Variants in TMPRSS15 observed in about 807,000 individuals in gnomAD.
The protein encoded by TMPRSS15 is enteropeptidase.
In TMPRSS15, 128 loss-of-function variants were observed where a neutral mutation model predicts 125.3. The observed-to-expected ratio is 1.02, with a 90% CI of 0.89 to 1.18. The LOEUF (loss-of-function observed/expected upper bound fraction) is 1.18. Ranked by LOEUF, TMPRSS15 falls within the 50% of genes most tolerant of loss-of-function variation. TMPRSS15 has a pLI of 0.00. For missense variants in TMPRSS15, 1,283 were observed against 1,212.7 expected (o/e 1.06, Z -0.86); for synonymous variants, 446 against 423.2 (o/e 1.05, Z -0.66).
Position 18,353,768 on chromosome 21 carries a change from C to CTG in TMPRSS15, c.975_976insCA (p.Gly326GlnfsTer36). The CTG allele has an allele frequency of 5.6e-6, 9 of 1,611,530 alleles. No individual in the cohort carries two copies. Among genetic ancestry groups the CTG allele is most frequent in the Non-Finnish European group, 7.6e-6 (9 of 1,178,350 alleles). ...AATGCAGTATATGTTGCATTAAAGCCAACATAATCACTTTCATCAGATTCT... is the reference window on the plus strand; with the variant it reads ...AATGCAGTATATGTTGCATTAAAGCCTGAACATAATCACTTTCATCAGATTCT... On this transcript the variant is annotated frameshift_variant, in exon 9 of 25. Transcript: ENST00000284885. LOFTEE classifies it high-confidence loss of function.
intron 3 of TMPRSS15, 30 bp from the exon 4 acceptor site, chr21:18,383,808 A>G: frequency 6.2e-7 from 1 of 1,607,166 alleles, no homozygotes; most frequent in South Asian, 1.1e-5. Context: ...ATAAGAGGAA[A>G]AAGTCAGCCA....
chr21:18,310,261 G>A (rs974299022), intron 18 of TMPRSS15, among the ~76,000 whole-genome samples: 3 of 152,038 alleles, frequency 2.0e-5, no homozygotes, highest in African/African-American at 7.2e-5. Flanking sequence ...TGGAAAGAAG[G>A]CAGTCAAATT....
chr21:18,418,494 A>G (rs1280985494), intron 1 of TMPRSS15, among the ~76,000 whole-genome samples: 2 of 152,052 alleles, frequency 1.3e-5, no homozygotes, highest in Non-Finnish European at 1.5e-5. Context: ...ATGGGCTACA[A>G]CCTTAAACTT....
intron 3 of TMPRSS15, among the ~76,000 whole-genome samples, chr21:18,394,623 C>G (rs1262948794): frequency 6.6e-6 from 1 of 151,550 alleles, no homozygotes; most frequent in Non-Finnish European, 1.5e-5. Context: ...TATCCATGAA[C>G]CATATAAACT....
chr21:18,401,989 T>C (rs918363939), intron 1 of TMPRSS15, among the ~76,000 whole-genome samples: 2 of 152,196 alleles, frequency 1.3e-5, no homozygotes, highest in Non-Finnish European at 2.9e-5. Flanking sequence ...AAAACAGCCA[T>C]TTTTCTAAAA....
At position 18,484,420 on chromosome 21, in the gene TMPRSS15, T is replaced by C. The variant is rs965619920; in HGVS notation, c.10+1379A>G. On this transcript the variant is annotated intron_variant, in intron 1 of 7. Coordinates refer to the TMPRSS15 transcript ENST00000422787. ...GGGTATTTGTTTAGTAGCATAATTG[T>C]AGAAGGATTTAATCAGACTATTTCC... is the stretch of plus-strand genomic sequence containing the variant. Among the ~76,000 whole-genome samples, 21 of 151,874 alleles carry C rather than the reference T, an allele frequency of 1.4e-4. 1 individual carries two copies. Among genetic ancestry groups the C allele is most frequent in the South Asian group, 1.0e-3 (5 of 4,826 alleles).
intron 1 of TMPRSS15, among the ~76,000 whole-genome samples, chr21:18,436,390 C>T (rs1164330317): frequency 3.2e-4 from 49 of 151,394 alleles, no homozygotes; most frequent in Non-Finnish European, 1.5e-5. Flanking sequence ...TCGTTATGTA[C>T]CCAGTAGTCA....
At chr21:18,315,026 T>C in intron 17 of TMPRSS15, 120 bp downstream of exon 17, 1 of 803,204 alleles carries the variant, frequency 1.2e-6, no homozygotes, top group Non-Finnish European at 2.1e-6. Flanking sequence ...GATGAGATGT[T>C]CTCGTTCCAA....
At chr21:18,450,509 A>AT (rs1447139920) in intron 1 of TMPRSS15, among the ~76,000 whole-genome samples, 3 of 152,106 alleles carry the variant, frequency 2.0e-5, no homozygotes, top group Non-Finnish European at 4.4e-5. Context: ...TTGCTAAAAG[A>AT]TTTTCAAAAG....
chr21:18,467,057 C>T (rs1257300403), intron 1 of TMPRSS15, among the ~76,000 whole-genome samples: 3 of 152,150 alleles, frequency 2.0e-5, no homozygotes, highest in Admixed American at 6.6e-5. Flanking sequence ...GGCACATATA[C>T]ACCATGGAAT....
chr21:18,279,950 A>AC (rs2074671800), intron 22 of TMPRSS15, among the ~76,000 whole-genome samples: 1 of 152,170 alleles, frequency 6.6e-6, no homozygotes, highest in Admixed American at 6.5e-5. Flanking sequence ...ACCCTTAAGC[A>AC]CCCACTGCAT....
chr21:18,320,762 C>T (rs1194498835), intron 16 of TMPRSS15, among the ~76,000 whole-genome samples: 3 of 152,172 alleles, frequency 2.0e-5, no homozygotes, highest in African/African-American at 4.8e-5. Flanking sequence ...ATTTTCCTTA[C>T]ACGCATAAAC....
At chr21:18,482,019 T>A (rs1410629348) in intron 1 of TMPRSS15, among the ~76,000 whole-genome samples, 1 of 151,706 alleles carries the variant, frequency 6.6e-6, no homozygotes, top group Non-Finnish European at 1.5e-5. Flanking sequence ...TTTCACTTGC[T>A]TTACTTCAGC....
intron 23 of TMPRSS15, among the ~76,000 whole-genome samples, chr21:18,276,424 T>C (rs1222721265): frequency 6.6e-6 from 1 of 152,140 alleles, no homozygotes; most frequent in African/African-American, 2.4e-5. Flanking sequence ...AGTTTGACAA[T>C]GGACTATAAG....
chr21:18,359,795 T>C lies in TMPRSS15; in HGVS notation c.842A>G (p.Asp281Gly), dbSNP rs1293736716. ...DFNTYYTDIL[D>G]IYEGVGSSKI... ...GCTTGATCCTACACCTTCATAAATA[T>C]CTAATATATCTGTATAATATGTATT... Residue 281 changes from aspartate (D) to glycine (G), a missense_variant, in exon 8 of 25, where the codon GAT becomes GGT. Physicochemically the swap from Asp to Gly is moderately conservative, Grantham distance 94. Coordinates refer to ENST00000284885, the MANE Select transcript of TMPRSS15 (RefSeq NM_002772.3). 3 of 1,494,498 alleles carry C rather than the reference T, an allele frequency of 2.0e-6. No individual in the cohort carries two copies. Among genetic ancestry groups the C allele is most frequent in the South Asian group, 1.1e-5 (1 of 87,970 alleles). The allele number at this position is 1,494,498 out of a possible 1,614,324, so 92.6% of individuals were successfully genotyped here.
At chr21:18,354,720 C>A (rs1472556551) in intron 8 of TMPRSS15, among the ~76,000 whole-genome samples, 1 of 151,456 alleles carries the variant, frequency 6.6e-6, no homozygotes. Context: ...TAGAAAAAAA[C>A]AAGGCCTGAA....
chr21:18,290,717 T>A (rs2146891064), intron 21 of TMPRSS15, among the ~76,000 whole-genome samples: 1 of 152,316 alleles, frequency 6.6e-6, no homozygotes, highest in African/African-American at 2.4e-5. Flanking sequence ...GGATTGTATT[T>A]CATTAATGTT....
intron 1 of TMPRSS15, among the ~76,000 whole-genome samples, chr21:18,465,716 A>G (rs1978646717): frequency 6.6e-6 from 1 of 152,198 alleles, no homozygotes; most frequent in African/African-American, 2.4e-5. Context: ...GATGTGAAGA[A>G]CGTCTTCAAG....
At chr21:18,374,519 A>T (rs1054577830) in intron 5 of TMPRSS15, among the ~76,000 whole-genome samples, 1 of 149,118 alleles carries the variant, frequency 6.7e-6, no homozygotes, top group Non-Finnish European at 1.5e-5. Flanking sequence ...ACATCAATAT[A>T]TGAGAAACAG....
Sources: gnomAD v4.1 joint callset for allele counts (sites outside exome capture counted in the v4.1 genomes callset) on GRCh38, gnomAD v4.1.1 for gene constraint, MANE v1.5 for transcripts, NCBI Gene and HGNC (gene_info 2026-07-23, HGNC 2026-07-21) for gene names.